CDH12: variants seen among roughly 807,000 people sequenced by gnomAD.
CDH12 encodes the protein cadherin 12.
Under a neutral mutation model 74.1 loss-of-function variants are expected in CDH12, and 41 were observed. The ratio of observed to expected loss-of-function variants is 0.55; its 90% CI spans 0.43 to 0.72. CDH12 has a LOEUF of 0.72. Among genes scored for constraint, CDH12 ranks in the 30% least tolerant of loss-of-function variants. The pLI is 0.00. For synonymous variants in CDH12, 399 were observed against 355.0 expected (o/e 1.12, Z -1.39); for missense variants, 945 against 977.2 (o/e 0.97, Z 0.44).
In CDH12 at chr5:21,752,081, G is replaced by T; in HGVS notation, c.2041C>A (p.Pro681Thr). Residue 681 changes from proline (P) to threonine (T), a missense_variant, in exon 15 of 15, where the codon CCA becomes ACA. Physicochemically the swap from Pro to Thr is conservative, Grantham distance 38. Coordinates refer to ENST00000382254, the MANE Select transcript of CDH12 (RefSeq NM_004061.5). The part of the protein sequence containing the change: ...QAFDIGALRN[P>T]KVIEENKIRR... Reference sequence around the variant, plus strand: ...ATTTTGTTCTCCTCAATCACTTTTGGGTTTCTCAGAGCCCCGATGTCGAAA... The same window carrying T: ...ATTTTGTTCTCCTCAATCACTTTTGTGTTTCTCAGAGCCCCGATGTCGAAA... 6.2e-7 allele frequency: 1 copy of T among 1,613,942 alleles called. No homozygotes were observed.
intron 1 of CDH12, among the ~76,000 whole-genome samples, chr5:22,549,355 T>A (rs534766617): frequency 6.6e-4 from 101 of 152,046 alleles, no homozygotes; most frequent in African/African-American, 2.0e-3. Context: ...GGCAAAATTA[T>A]CTTTTCCTTT....
intron 1 of CDH12, among the ~76,000 whole-genome samples, chr5:22,623,646 T>C (rs1738106465): frequency 6.6e-6 from 1 of 152,086 alleles, no homozygotes; most frequent in Non-Finnish European, 1.5e-5. Flanking sequence ...TACAAACCAC[T>C]GCTCAATGAA....
intron 2 of CDH12, among the ~76,000 whole-genome samples, chr5:22,434,092 C>T (rs1014498072): frequency 1.3e-4 from 20 of 151,972 alleles, no homozygotes; most frequent in African/African-American, 4.3e-4. Flanking sequence ...TCAAAAGGAT[C>T]AAAGAAAGAG....
intron 1 of CDH12, among the ~76,000 whole-genome samples, chr5:22,520,562 G>C (rs924330684): frequency 6.6e-6 from 1 of 151,970 alleles, no homozygotes; most frequent in Non-Finnish European, 1.5e-5. Context: ...TATCCAACCT[G>C]GCTTAAAATA....
chr5:22,136,083 A>G (rs539749468), intron 4 of CDH12, among the ~76,000 whole-genome samples: 2 of 152,202 alleles, frequency 1.3e-5, no homozygotes, highest in African/African-American at 4.8e-5. Flanking sequence ...CAAATAAGTC[A>G]TAAGTATAAT....
At chr5:22,765,134 A>T (rs914851926) in intron 1 of CDH12, among the ~76,000 whole-genome samples, 1 of 151,976 alleles carries the variant, frequency 6.6e-6, no homozygotes, top group Non-Finnish European at 1.5e-5. Context: ...TGCACGTTTC[A>T]AAATATGGTA....
chr5:22,030,607 T>A lies in CDH12; in HGVS notation c.231+47839A>T, dbSNP rs77930920. ...GATTTAACACAACTTTTAAGGGCCC[T>A]AGGATTTTCAGAAAGGAAAATGTGC... On this transcript the variant is annotated intron_variant, in intron 5 of 14. Coordinates refer to ENST00000382254, the MANE Select transcript of CDH12 (RefSeq NM_004061.5). Among the ~76,000 whole-genome samples the A allele has an allele frequency of 8.9e-4, 135 of 152,266 alleles. 2 individuals carry two copies. The East Asian group carries it at 0.019, about 21-fold the overall frequency.
At chr5:22,679,314 C>G (rs2126926252) in intron 1 of CDH12, among the ~76,000 whole-genome samples, 1 of 152,172 alleles carries the variant, frequency 6.6e-6, no homozygotes, top group Admixed American at 6.5e-5. Context: ...CTCACACTTT[C>G]AAAAGAGGAA....
At chr5:21,951,688 C>A (rs1355820144) in intron 6 of CDH12, among the ~76,000 whole-genome samples, 1 of 152,228 alleles carries the variant, frequency 6.6e-6, no homozygotes, top group Admixed American at 6.5e-5. Context: ...CAGCAGCTTT[C>A]TCTATGCTAA....
At chr5:22,092,887 C>T (rs377244341) in intron 4 of CDH12, among the ~76,000 whole-genome samples, 4 of 152,126 alleles carry the variant, frequency 2.6e-5, no homozygotes, top group African/African-American at 9.7e-5. Context: ...AACAAAATCT[C>T]ATATATTCAT....
chr5:22,079,671 T>A (rs1742584523), intron 4 of CDH12, among the ~76,000 whole-genome samples: 1 of 152,116 alleles, frequency 6.6e-6, no homozygotes, highest in Admixed American at 6.6e-5. Flanking sequence ...AAAAGCTGGA[T>A]CCCTACCAGA....
chr5:21,834,125 T>C (rs1472721956), intron 8 of CDH12, among the ~76,000 whole-genome samples: 2 of 151,178 alleles, frequency 1.3e-5, no homozygotes, highest in African/African-American at 2.4e-5. Context: ...AGTACCTGAA[T>C]ACAAGGTCAT....
intron 3 of CDH12, among the ~76,000 whole-genome samples, chr5:22,214,009 A>C (rs1561227333): frequency 1.3e-5 from 2 of 151,876 alleles, no homozygotes; most frequent in Non-Finnish European, 2.9e-5. Flanking sequence ...TGATATTTAT[A>C]TATATCTTAG....
chr5:22,170,547 T>C (rs561530843), intron 4 of CDH12, among the ~76,000 whole-genome samples: 4 of 151,458 alleles, frequency 2.6e-5, no homozygotes, highest in Non-Finnish European at 5.9e-5. Context: ...TTAACTTACA[T>C]ATAAGCTTCT....
chr5:22,138,054 A>G (rs1746561626), intron 4 of CDH12, among the ~76,000 whole-genome samples: 1 of 152,118 alleles, frequency 6.6e-6, no homozygotes, highest in Admixed American at 6.6e-5. Context: ...TGAAAACCAT[A>G]AGATTTCTAC....
chr5:22,846,817 A>G (rs943245133), intron 1 of CDH12, among the ~76,000 whole-genome samples: 2 of 152,190 alleles, frequency 1.3e-5, no homozygotes, highest in African/African-American at 4.8e-5. Flanking sequence ...GCCAGGGCAG[A>G]TCACATGCCA....
chr5:22,136,170 T>C (rs1256266267), intron 4 of CDH12, among the ~76,000 whole-genome samples: 1 of 151,588 alleles, frequency 6.6e-6, no homozygotes, highest in Admixed American at 6.6e-5. Context: ...AAAAAAGAAA[T>C]TAAGATGGTA....
chr5:22,073,648 G>T (rs1742105578), intron 5 of CDH12, among the ~76,000 whole-genome samples: 1 of 152,090 alleles, frequency 6.6e-6, no homozygotes, highest in Admixed American at 6.6e-5. Context: ...TGTGAGGAAA[G>T]CTTTACCTCT....
chr5:22,148,446 C>T (rs1327224121), intron 4 of CDH12, among the ~76,000 whole-genome samples: 1 of 151,698 alleles, frequency 6.6e-6, no homozygotes. Flanking sequence ...TAACTAGTAT[C>T]ACATAGCAGA....
Sources: gnomAD v4.1 joint callset for allele counts (sites outside exome capture counted in the v4.1 genomes callset) on GRCh38, gnomAD v4.1.1 for gene constraint, MANE v1.5 for transcripts, NCBI Gene and HGNC (gene_info 2026-07-23, HGNC 2026-07-21) for gene names.